The following PPP2R2A variants were observed in gnomAD, a reference collection of about 807,000 sequenced individuals.
PPP2R2A encodes serine/threonine-protein phosphatase 2A 55 kDa regulatory subunit B alpha isoform.
A neutral mutation model predicts 53.2 loss-of-function variants in PPP2R2A; 9 were observed. The observed-to-expected ratio is 0.17, with a 90% CI of 0.10 to 0.30. The LOEUF is 0.30. PPP2R2A is among the 10% of genes least tolerant of loss of function. The pLI, the probability that PPP2R2A is intolerant of heterozygous loss-of-function variation, is 1.00. For missense variants in PPP2R2A, 235 were observed against 534.6 expected, an observed-to-expected ratio of 0.44 and a Z score of 5.53; for synonymous variants, 169 against 174.2, an observed-to-expected ratio of 0.97 and a Z score of 0.23.
intron 2 of PPP2R2A, chr8:26,333,488 C>G (rs1803486222): frequency 3.3e-6 from 4 of 1,222,618 alleles, no homozygotes; most frequent in Middle Eastern, 2.3e-4. Flanking sequence ...TCTTTCAGAT[C>G]ACTTATTTGA....
chr8:26,319,202 C>G (rs1001150967), intron 2 of PPP2R2A, among the ~76,000 whole-genome samples: 1 of 152,136 alleles, frequency 6.6e-6, no homozygotes, highest in South Asian at 2.1e-4. Flanking sequence ...TGTTTGTTCA[C>G]TCATCTCTTG....
chr8:26,320,725 C>G (rs970814538), intron 2 of PPP2R2A, among the ~76,000 whole-genome samples: 1 of 151,966 alleles, frequency 6.6e-6, no homozygotes, highest in African/African-American at 2.4e-5. Context: ...TTAAACGGAA[C>G]CAAGTTTGGT....
intron 2 of PPP2R2A, among the ~76,000 whole-genome samples, chr8:26,315,911 A>G (rs1042878226): frequency 2.0e-5 from 3 of 152,208 alleles, no homozygotes; most frequent in African/African-American, 7.2e-5. Context: ...TCATGTCTAG[A>G]ACACTTGGTA....
chr8:26,366,187 G>A, intron 8 of PPP2R2A, 128 bp from the exon 9 acceptor site: 1 of 697,436 alleles, frequency 1.4e-6, no homozygotes. Flanking sequence ...TTACTGAGAA[G>A]ATTGAGATTA....
chr8:26,370,557 G>A lies in PPP2R2A; in HGVS notation c.*144G>A. ...TGCCATTCGACAACACATTGTTATAGCTACATGGAGAAAGCTCTGTGGATT... is the reference window on the plus strand; with the variant it reads ...TGCCATTCGACAACACATTGTTATAACTACATGGAGAAAGCTCTGTGGATT... On this transcript the variant is annotated 3_prime_UTR_variant, in exon 10 of 10. Coordinates refer to ENST00000380737, the MANE Select transcript of PPP2R2A (RefSeq NM_002717.4). This position sits in a 1 kb window ranked among gnomAD's most constrained non-coding sequence, Gnocchi z 6.1. 1 of 903,200 alleles carries A rather than the reference G, an allele frequency of 1.1e-6. No individual in the cohort carries two copies. Among genetic ancestry groups the A allele is most frequent in the Non-Finnish European group, 1.7e-6 (1 of 604,030 alleles). The allele number at this position is 903,200 out of a possible 1,614,324, so 55.9% of individuals were successfully genotyped here. A position where few individuals can be genotyped will look rare whatever the true frequency, so the allele number is the denominator to read the frequency against.
At chr8:26,366,181 T>C in intron 8 of PPP2R2A, 134 bp from the exon 9 acceptor site, 2 of 675,224 alleles carry the variant, frequency 3.0e-6, no homozygotes, top group Admixed American at 2.9e-5. Context: ...TTATTGTTAC[T>C]GAGAAGATTG....
In PPP2R2A at chr8:26,370,051, T is replaced by G. The variant is rs1805593151; in HGVS notation, c.1065-83T>G. On this transcript the variant is annotated intron_variant, in intron 9 of 9. Transcript: ENST00000380737. The surrounding 1 kb of genome is among the most constrained non-coding windows in gnomAD (Gnocchi z 6.1). The stretch of plus-strand genomic sequence containing the variant: ...TAAATCTGCTTTTGAAGTAGCTTCC[T>G]ATGGTTTAATTGCCGAATCATTTTA... 1.4e-6 allele frequency: 2 copies of G among 1,432,114 alleles called. No homozygotes were observed. Among genetic ancestry groups the G allele is most frequent in the African/African-American group, 1.4e-5 (1 of 70,212 alleles). The allele number at this position is 1,432,114 out of a possible 1,614,324, so 88.7% of individuals were successfully genotyped here.
At chr8:26,334,896 G>A (rs1481900074) in intron 2 of PPP2R2A, among the ~76,000 whole-genome samples, 1 of 152,144 alleles carries the variant, frequency 6.6e-6, no homozygotes, top group African/African-American at 2.4e-5. Context: ...CTAAAAACCT[G>A]GATACCAGTA....
rs139440668 is a variant in PPP2R2A at position 26,353,989 on chromosome 8, C to T, written c.181-479C>T. Among the ~76,000 whole-genome samples the T allele has an allele frequency of 9.2e-5, 14 of 152,016 alleles. No homozygotes were observed. The East Asian group carries it at 1.4e-3, about 15-fold the overall frequency. On this transcript the variant is annotated intron_variant, in intron 3 of 9. Coordinates refer to ENST00000380737, the MANE Select transcript of PPP2R2A (RefSeq NM_002717.4). ...TTTCAGCAGCGAAATAACCAAAAGGCGGGCAGCAGAAAGGAAAAGGACAAT... is the reference window on the plus strand; with the variant it reads ...TTTCAGCAGCGAAATAACCAAAAGGTGGGCAGCAGAAAGGAAAAGGACAAT...
At chr8:26,358,018 A>G (rs567984445) in intron 4 of PPP2R2A, among the ~76,000 whole-genome samples, 1 of 152,124 alleles carries the variant, frequency 6.6e-6, no homozygotes, top group Admixed American at 6.5e-5. Context: ...AAGGATTCTG[A>G]TTTTTTAAAA....
chr8:26,293,769 A>G (rs774407505), intron 2 of PPP2R2A, 29 bp downstream of exon 2: 1 of 1,604,344 alleles, frequency 6.2e-7, no homozygotes, highest in Admixed American at 1.7e-5. Context: ...CAAAATTTGG[A>G]TATATAATTT....
intron 2 of PPP2R2A, among the ~76,000 whole-genome samples, chr8:26,329,276 C>T: frequency 6.6e-6 from 1 of 152,034 alleles, no homozygotes; most frequent in Non-Finnish European, 1.5e-5. Flanking sequence ...GAAATATATA[C>T]TTTTAATTTG....
intron 3 of PPP2R2A, among the ~76,000 whole-genome samples, chr8:26,344,098 A>ATTTCTG (rs1804090354): frequency 6.6e-6 from 1 of 152,190 alleles, no homozygotes; most frequent in Non-Finnish European, 1.5e-5. Flanking sequence ...TGCAGAAGCC[A>ATTTCTG]CACATCCTGA....
chr8:26,330,266 C>T (rs971117654), intron 2 of PPP2R2A, among the ~76,000 whole-genome samples: 4 of 150,344 alleles, frequency 2.7e-5, no homozygotes, highest in Non-Finnish European at 4.4e-5. Context: ...TTTTGTCTTT[C>T]GTCTTTTATT....
At chr8:26,341,073 A>G (rs1399155516) in intron 3 of PPP2R2A, among the ~76,000 whole-genome samples, 1 of 152,138 alleles carries the variant, frequency 6.6e-6, no homozygotes, top group Non-Finnish European at 1.5e-5. Context: ...TCTTAACTAT[A>G]TTTAAGAATT....
chr8:26,310,280 CAA>C (rs1166591932), intron 2 of PPP2R2A, among the ~76,000 whole-genome samples: 5 of 27,536 alleles, frequency 1.8e-4, no homozygotes, highest in African/African-American at 5.3e-4. Context: ...GACTCCCTCT[CAA>C]AAAAAAAAAA....
Position 26,314,484 on chromosome 8 carries a change from A to G in PPP2R2A, c.82+20744A>G, listed in dbSNP as rs751984049. On this transcript the variant is annotated intron_variant, in intron 2 of 9. Transcript: ENST00000380737. The stretch of plus-strand genomic sequence containing the variant: ...ATCTTTTTCTTTCTTGTTTTATGCT[A>G]TTATTTTGGGATGGTGCACAGTATC... Among the ~76,000 whole-genome samples, 23 of 151,884 alleles carry G rather than the reference A, an allele frequency of 1.5e-4. No homozygotes were observed. In the East Asian group the frequency reaches 1.7e-3, roughly 11 times the overall value.
chr8:26,370,087 A>T lies in PPP2R2A; in HGVS notation c.1065-47A>T. ...TGCCGAATCATTTTACTTGAAAACA[A>T]TTTCTTGTTCTGCTTGTTTGACTGA... On this transcript the variant is annotated intron_variant, in intron 9 of 9. Transcript: ENST00000380737. The surrounding 1 kb of genome is among the most constrained non-coding windows in gnomAD (Gnocchi z 6.1). 1.3e-6 allele frequency: 2 copies of T among 1,564,488 alleles called. No individual in the cohort carries two copies. Among genetic ancestry groups the T allele is most frequent in the East Asian group, 4.5e-5 (2 of 44,158 alleles).
chr8:26,309,492 C>A (rs1802177157), intron 2 of PPP2R2A, among the ~76,000 whole-genome samples: 1 of 152,210 alleles, frequency 6.6e-6, no homozygotes, highest in Admixed American at 6.5e-5. Context: ...CACCCAGCTG[C>A]ATTAGCCCCT....
Sources: gnomAD v4.1 joint callset for allele counts (sites outside exome capture counted in the v4.1 genomes callset) on GRCh38, gnomAD v4.1.1 for gene constraint, Gnocchi (gnomAD v3.1) non-coding constraint, MANE v1.5 for transcripts, NCBI Gene and HGNC (gene_info 2026-07-23, HGNC 2026-07-21) for gene names.